The following RUFY4 variants were observed in gnomAD, a reference collection of about 807,000 sequenced individuals.
RUFY4 encodes RUN and FYVE domain-containing protein 4.
Under a neutral mutation model 69.0 loss-of-function variants are expected in RUFY4, and 73 were observed. That is an observed-to-expected ratio of 1.06 (90% CI 0.88 to 1.29). The LOEUF is 1.29. RUFY4 is among the 50% of genes most tolerant of loss of function. The probability of loss-of-function intolerance (pLI) is 0.00; values close to 1 mark genes in which losing one functional copy is unlikely to be tolerated. For synonymous variants in RUFY4, 287 were observed against 271.8 expected, an observed-to-expected ratio of 1.06 and a Z score of -0.55; for missense variants, 770 against 705.6, an observed-to-expected ratio of 1.09 and a Z score of -1.03.
At chr2:218,060,642 GA>G in intron 3 of RUFY4, 1 of 1,355,450 alleles carries the variant, frequency 7.4e-7, no homozygotes, top group Non-Finnish European at 1.1e-6. Context: ...AGCAGAGCAG[GA>G]AAATGAGGAC....
chr2:218,089,936 T>G lies in RUFY4; in HGVS notation c.1614-16T>G. ...CTGCAGAGGCCGCCCCAGGCTTTCC[T>G]GCCTCTGCCTTCCAGGCTCTGTGGA... On this transcript the variant is annotated splice_polypyrimidine_tract_variant and intron_variant, in intron 10 of 10. Coordinates refer to ENST00000344321, the Ensembl canonical transcript of RUFY4. The G allele has an allele frequency of 6.5e-7, 1 of 1,547,284 alleles. No homozygotes were observed. The highest frequency in any genetic ancestry group is 8.8e-7 in the Non-Finnish European group (1 of 1,142,596).
chr2:218,086,078 A>G (rs958962616), intron 9 of RUFY4, among the ~76,000 whole-genome samples: 1 of 152,224 alleles, frequency 6.6e-6, no homozygotes, highest in Non-Finnish European at 1.5e-5. Context: ...TTGGAAATTA[A>G]AAATTAAATT....
intron 2 of RUFY4, among the ~76,000 whole-genome samples, chr2:218,036,347 G>A (rs1958977831): frequency 6.6e-6 from 1 of 152,288 alleles, no homozygotes; most frequent in South Asian, 2.1e-4. Flanking sequence ...TGTAAGGAGA[G>A]AGTTGGGCAG....
chr2:218,063,218 G>A (rs1689242153), intron 3 of RUFY4, among the ~76,000 whole-genome samples: 1 of 152,202 alleles, frequency 6.6e-6, no homozygotes, highest in Non-Finnish European at 1.5e-5. Context: ...CATTGCCTTA[G>A]AGTCTAAGGG....
intron 9 of RUFY4, among the ~76,000 whole-genome samples, chr2:218,089,028 T>C (rs935165020): frequency 6.6e-6 from 1 of 152,050 alleles, no homozygotes; most frequent in African/African-American, 2.4e-5. Flanking sequence ...TCCCCATTGC[T>C]GTGTCTCTAT....
chr2:218,063,096 G>C (rs1436408237), intron 3 of RUFY4, among the ~76,000 whole-genome samples: 3 of 152,186 alleles, frequency 2.0e-5, no homozygotes, highest in African/African-American at 7.2e-5. Context: ...GTAGAGGGTG[G>C]GCTGAAGCCA....
At chr2:218,037,068 C>A (rs1363266947) in intron 2 of RUFY4, among the ~76,000 whole-genome samples, 3 of 152,312 alleles carry the variant, frequency 2.0e-5, no homozygotes, top group Admixed American at 6.5e-5. Context: ...CCTGTAATCC[C>A]AGCACTTTGG....
chr2:218,089,443 G>A (rs1214945977), intron 10 of RUFY4, 81 bp downstream of exon 12: 3 of 1,204,254 alleles, frequency 2.5e-6, no homozygotes, highest in South Asian at 1.3e-5. Context: ...CCCAGGGAAG[G>A]GAGGGACACA....
chr2:218,070,740 A>G lies in RUFY4; in HGVS notation c.47-13A>G. 6.5e-7 allele frequency: 1 copy of G among 1,536,734 alleles called. No homozygotes were observed. The highest frequency in any genetic ancestry group is 8.7e-7 in the Non-Finnish European group (1 of 1,146,346). ...CTCCCTCAGCGACCTGACATCTGCC[A>G]TCCTCCCAGCAGCTGCCGTCTCTGC... On this transcript the variant is annotated splice_polypyrimidine_tract_variant and intron_variant, in intron 1 of 10. Coordinates refer to ENST00000344321, the Ensembl canonical transcript of RUFY4.
At chr2:218,072,396 G>C in exon 3 of RUFY4, 1 of 1,537,374 alleles carries the variant, frequency 6.5e-7, no homozygotes, top group Non-Finnish European at 8.7e-7. Flanking sequence ...GAGCAGAAGA[G>C]CTTCCTGGGG....
chr2:218,075,951 C>T (rs901866674), intron 7 of RUFY4, among the ~76,000 whole-genome samples: 2 of 152,044 alleles, frequency 1.3e-5, no homozygotes, highest in Non-Finnish European at 1.5e-5. Flanking sequence ...ACGCTAGACC[C>T]ACTTTATTCG....
intron 3 of RUFY4, chr2:218,061,234 T>G (rs1689183260): frequency 2.7e-6 from 1 of 373,550 alleles, no homozygotes; most frequent in African/African-American, 2.1e-5. Context: ...CACATCACGT[T>G]CAGTAGAAAC....
At chr2:218,053,344 AC>A (rs1195835807) in intron 2 of RUFY4, among the ~76,000 whole-genome samples, 3 of 128,646 alleles carry the variant, frequency 2.3e-5, no homozygotes, top group African/African-American at 3.3e-5. Flanking sequence ...ATGATATTAA[AC>A]CTTTTTTTTT....
chr2:218,074,403 C>A (rs1458782766), intron 6 of RUFY4, among the ~76,000 whole-genome samples: 9 of 152,188 alleles, frequency 5.9e-5, no homozygotes, highest in Non-Finnish European at 1.2e-4. Flanking sequence ...CTGCACAGGG[C>A]TCCTGGCTAC....
intron 2 of RUFY4, among the ~76,000 whole-genome samples, chr2:218,043,766 G>A (rs945435107): frequency 7.9e-5 from 12 of 152,158 alleles, no homozygotes; most frequent in South Asian, 2.1e-4. Context: ...GTGGGGCTTC[G>A]CCAGGGACCC....
At chr2:218,078,002 C>T (rs1053795301) in intron 8 of RUFY4, among the ~76,000 whole-genome samples, 13 of 152,156 alleles carry the variant, frequency 8.5e-5, no homozygotes, top group Non-Finnish European at 1.6e-4. Context: ...CACAGTGCTC[C>T]GGCCACCTGT....
intron 2 of RUFY4, among the ~76,000 whole-genome samples, chr2:218,035,819 C>T (rs764171900): frequency 2.0e-5 from 3 of 152,344 alleles, no homozygotes; most frequent in Non-Finnish European, 2.9e-5. Flanking sequence ...GCCTTGGGGC[C>T]GCGCTTTACT....
exon 7 of RUFY4, chr2:218,075,148 G>A (rs1689592694): frequency 6.4e-7 from 1 of 1,554,498 alleles, no homozygotes; most frequent in South Asian, 1.2e-5. Flanking sequence ...TCACACACCA[G>A]TCAAGCCATC....
chr2:218,067,095 C>T (rs191246306), upstream of RUFY4, among the ~76,000 whole-genome samples: 2,758 of 145,460 alleles, frequency 0.019, 84 homozygotes, highest in African/African-American at 0.064. Context: ...TTTCAACTTC[C>T]TCCCGCTCTT....
Sources: gnomAD v4.1 joint callset for allele counts (sites outside exome capture counted in the v4.1 genomes callset) on GRCh38, gnomAD v4.1.1 for gene constraint, MANE v1.5 for transcripts, NCBI Gene and HGNC (gene_info 2026-07-23, HGNC 2026-07-21) for gene names.